The following FGF1 variants were observed in gnomAD, a reference collection of about 807,000 sequenced individuals.
FGF1 encodes beta-endothelial cell growth factor.
A neutral mutation model predicts 13.4 loss-of-function variants in FGF1; 9 were observed. That is an observed-to-expected ratio of 0.67 (90% confidence interval 0.40 to 1.17). The LOEUF is 1.17. FGF1 is among the 50% of genes most tolerant of loss of function. The pLI is 0.01. For missense variants in FGF1, 156 were observed against 192.7 expected (o/e 0.81, Z 1.13); for synonymous variants, 93 against 79.0 (o/e 1.18, Z -0.94).
At chr5:142,675,520 A>G (rs1772384008) in intron 1 of FGF1, among the ~76,000 whole-genome samples, 1 of 152,170 alleles carries the variant, frequency 6.6e-6, no homozygotes, top group African/African-American at 2.4e-5. Context: ...ATCCACAGCT[A>G]TGAGGCAGTC....
At chr5:142,663,101 G>T (rs1769584121) in intron 1 of FGF1, among the ~76,000 whole-genome samples, 1 of 152,280 alleles carries the variant, frequency 6.6e-6, no homozygotes, top group South Asian at 2.1e-4. Flanking sequence ...TGGGATTACA[G>T]GCGTGCACAA....
chr5:142,669,985 G>T (rs1003183898), intron 1 of FGF1, among the ~76,000 whole-genome samples: 5 of 152,138 alleles, frequency 3.3e-5, no homozygotes, highest in African/African-American at 4.8e-5. Flanking sequence ...GAAGTCAGCT[G>T]GTCTGCACTG....
rs1239331196 is a variant in FGF1 at position 142,593,391 on chromosome 5, A to G, written c.*1899T>C. 3 of 152,372 alleles carry G rather than the reference A, an allele frequency of 2.0e-5. No homozygotes were observed. The highest frequency in any genetic ancestry group is 3.9e-4 in the East Asian group (2 of 5,190). The allele number at this position is 152,372 out of a possible 1,614,324, so 9.4% of individuals were successfully genotyped here. ...TTATTTTGCTGCACAAATCTAAAAT[A>G]CTATTATTAACCATAATGTCAGCTT... On this transcript the variant is annotated 3_prime_UTR_variant, in exon 4 of 4. Coordinates refer to ENST00000337706, the MANE Select transcript of FGF1 (RefSeq NM_000800.5).
intron 1 of FGF1, among the ~76,000 whole-genome samples, chr5:142,666,685 C>T (rs564451549): frequency 6.6e-6 from 1 of 152,336 alleles, no homozygotes; most frequent in African/African-American, 2.4e-5. Context: ...CGCCTACAAT[C>T]CCAGTACTTT....
intron 1 of FGF1, among the ~76,000 whole-genome samples, chr5:142,668,089 T>C (rs1245934532): frequency 6.6e-6 from 1 of 152,160 alleles, no homozygotes; most frequent in African/African-American, 2.4e-5. Context: ...AAGGGACAGG[T>C]TCAGTCCAGT....
chr5:142,620,328 A>G (rs1761302615), intron 1 of FGF1, among the ~76,000 whole-genome samples: 1 of 151,992 alleles, frequency 6.6e-6, no homozygotes, highest in Non-Finnish European at 1.5e-5. Flanking sequence ...TGAGGGAGGA[A>G]AATGGTGTGA....
At chr5:142,648,881 A>G (rs1049377772) in intron 1 of FGF1, among the ~76,000 whole-genome samples, 1 of 152,066 alleles carries the variant, frequency 6.6e-6, no homozygotes, top group Non-Finnish European at 1.5e-5. Flanking sequence ...AGAGAATCAG[A>G]TGAAGAATAT....
At chr5:142,595,867 A>T (rs578092960) in intron 3 of FGF1, among the ~76,000 whole-genome samples, 1 of 152,346 alleles carries the variant, frequency 6.6e-6, no homozygotes, top group South Asian at 2.1e-4. Context: ...TCATCTCTGT[A>T]GTGGCCTGGC....
chr5:142,595,237 G>C lies in FGF1; in HGVS notation c.*53C>G, dbSNP rs992382014. 2.0e-6 allele frequency: 3 copies of C among 1,521,712 alleles called. No individual in the cohort carries two copies. Among genetic ancestry groups the C allele is most frequent in the African/African-American group, 2.7e-5 (2 of 72,758 alleles). The allele number at this position is 1,521,712 out of a possible 1,614,324, so 94.3% of individuals were successfully genotyped here. ...AAGGGAACATTTTTGGGTCAACCAG[G>C]TGAGGACCCCTCGAAACTTCTCTGG... On this transcript the variant is annotated 3_prime_UTR_variant, in exon 4 of 4. Transcript: ENST00000337706.
chr5:142,688,057 T>C (rs774304299), upstream of FGF1, among the ~76,000 whole-genome samples: 1 of 152,206 alleles, frequency 6.6e-6, no homozygotes, highest in African/African-American at 2.4e-5. Flanking sequence ...TATTTCTCCA[T>C]TATGTCCAGT....
At chr5:142,648,179 A>G (rs1766524813) in intron 1 of FGF1, among the ~76,000 whole-genome samples, 1 of 152,204 alleles carries the variant, frequency 6.6e-6, no homozygotes. Flanking sequence ...CTGTGTTCAC[A>G]CCAAGAGAAC....
At chr5:142,608,718 T>TATATATATATAC (rs1389651958) in intron 2 of FGF1, among the ~76,000 whole-genome samples, 29 of 146,874 alleles carry the variant, frequency 2.0e-4, no homozygotes, top group South Asian at 1.1e-3. Context: ...CATATATATA[T>TATATATATATAC]ACACACACAC....
chr5:142,622,460 A>G (rs1761805328), intron 1 of FGF1, among the ~76,000 whole-genome samples: 1 of 152,206 alleles, frequency 6.6e-6, no homozygotes, highest in Non-Finnish European at 1.5e-5. Context: ...ATTGGGTTCA[A>G]ATTAGGCCAG....
At chr5:142,629,917 A>G (rs249920) in intron 1 of FGF1, among the ~76,000 whole-genome samples, 74,295 of 144,094 alleles carry the variant, frequency 0.52, 19,722 homozygotes, top group Middle Eastern at 0.58. Flanking sequence ...TCTTTGAGAT[A>G]GAGTCTCGCT....
At chr5:142,619,195 A>G (rs1303428208) in intron 1 of FGF1, among the ~76,000 whole-genome samples, 1 of 152,000 alleles carries the variant, frequency 6.6e-6, no homozygotes, top group East Asian at 1.9e-4. Context: ...CAGCCTCCCA[A>G]AGTGCTGGGA....
intron 1 of FGF1, among the ~76,000 whole-genome samples, chr5:142,663,249 GA>G (rs60474431): frequency 6.1e-4 from 85 of 138,670 alleles, no homozygotes; most frequent in Middle Eastern, 3.9e-3. Flanking sequence ...AATCAGGAAA[GA>G]AAAAAAAAAA....
chr5:142,663,898 G>GGAA (rs1362608145), intron 1 of FGF1, among the ~76,000 whole-genome samples: 1 of 152,192 alleles, frequency 6.6e-6, no homozygotes, highest in Non-Finnish European at 1.5e-5. Flanking sequence ...GGAAGATGTG[G>GGAA]GAAGAATAAA....
chr5:142,615,958 C>T (rs1274711129), intron 1 of FGF1, among the ~76,000 whole-genome samples: 1 of 152,216 alleles, frequency 6.6e-6, no homozygotes, highest in Non-Finnish European at 1.5e-5. Context: ...CTAGTCTCCA[C>T]CAACAGCCTC....
intron 1 of FGF1, among the ~76,000 whole-genome samples, chr5:142,646,149 T>C (rs1042308672): frequency 2.7e-5 from 4 of 149,660 alleles, no homozygotes; most frequent in African/African-American, 9.9e-5. Flanking sequence ...GACCTCGTGA[T>C]CCGCCTGCCT....
Sources: gnomAD v4.1 joint callset for allele counts (sites outside exome capture counted in the v4.1 genomes callset) on GRCh38, gnomAD v4.1.1 for gene constraint, MANE v1.5 for transcripts, NCBI Gene and HGNC (gene_info 2026-07-23, HGNC 2026-07-21) for gene names.